Variants in MCTP2 observed in about 807,000 individuals in gnomAD.
MCTP2 encodes multiple C2 and transmembrane domain-containing protein 2.
In MCTP2, 132 loss-of-function variants were observed where a neutral mutation model predicts 111.6. The ratio of observed to expected loss-of-function variants is 1.18; its 90% CI spans 1.03 to 1.37. The LOEUF is 1.37. Among genes scored for constraint, MCTP2 ranks in the 40% most tolerant of loss-of-function variants. MCTP2 has a pLI of 0.00. For missense variants in MCTP2, 1,183 were observed against 1,067.9 expected (o/e 1.11, Z -1.50); for synonymous variants, 395 against 387.7 (o/e 1.02, Z -0.22).
rs2152549112 is a variant in MCTP2, at chr15:94,479,407, ACT to A, written c.*377_*378del. The A allele has an allele frequency of 4.0e-6, 1 of 247,366 alleles. No individual in the cohort carries two copies. Among genetic ancestry groups the A allele is most frequent in the African/African-American group, 2.2e-5 (1 of 46,220 alleles). The allele number at this position is 247,366 out of a possible 1,614,324, so 15.3% of individuals were successfully genotyped here. On this transcript the variant is annotated 3_prime_UTR_variant, in exon 23 of 23. Transcript: ENST00000357742. ...GAACTTGTTTTCACACCTCCAACAG[ACT>A]CTCATTAAGATTCAGTTATTTCCGC...
chr15:94,367,588 T>C lies in MCTP2; in HGVS notation c.1302-17T>C. On this transcript the variant is annotated splice_polypyrimidine_tract_variant and intron_variant, in intron 10 of 22. Coordinates refer to ENST00000357742, the MANE Select transcript of MCTP2 (RefSeq NM_001385001.1). ...ATTAATCACTTTTCTCTCTCTTGATTCCTGAAACTTTTCTAGGTGTAAAGT... is the reference window on the plus strand; with the variant it reads ...ATTAATCACTTTTCTCTCTCTTGATCCCTGAAACTTTTCTAGGTGTAAAGT... 6.3e-7 allele frequency: 1 copy of C among 1,599,218 alleles called. No individual in the cohort carries two copies. The highest frequency in any genetic ancestry group is 8.5e-7 in the Non-Finnish European group (1 of 1,173,416).
At chr15:94,271,776 AT>A (rs1567308633) in intron 1 of MCTP2, among the ~76,000 whole-genome samples, 1 of 152,158 alleles carries the variant, frequency 6.6e-6, no homozygotes, top group Non-Finnish European at 1.5e-5. Context: ...GCTTAAAAAT[AT>A]GCACCATTTG....
chr15:94,293,512 T>C (rs571340172), intron 1 of MCTP2, among the ~76,000 whole-genome samples: 4 of 152,136 alleles, frequency 2.6e-5, no homozygotes, highest in Non-Finnish European at 5.9e-5. Flanking sequence ...TAATACTGGG[T>C]TTTTCAGTAT....
At chr15:94,279,408 C>T (rs1478171290) in intron 1 of MCTP2, among the ~76,000 whole-genome samples, 1 of 152,028 alleles carries the variant, frequency 6.6e-6, no homozygotes, top group East Asian at 1.9e-4. Context: ...CTTGATTTGG[C>T]ACTCAACTTA....
chr15:94,435,712 AG>A (rs2083436242), intron 17 of MCTP2, among the ~76,000 whole-genome samples: 1 of 133,100 alleles, frequency 7.5e-6, no homozygotes, highest in Non-Finnish European at 1.6e-5. Context: ...GCTCACTGCA[AG>A]CTCCGCCTCC....
At chr15:94,471,536 G>C (rs1038774165) in intron 21 of MCTP2, among the ~76,000 whole-genome samples, 7 of 152,164 alleles carry the variant, frequency 4.6e-5, no homozygotes, top group African/African-American at 1.7e-4. Flanking sequence ...TACAATTACA[G>C]AAGTAGAATG....
chr15:94,393,531 G>A (rs1433204536), intron 14 of MCTP2, among the ~76,000 whole-genome samples: 5 of 151,874 alleles, frequency 3.3e-5, no homozygotes, highest in Admixed American at 2.6e-4. Context: ...AAAATAGTGG[G>A]GAAATCCTAT....
At position 94,436,127 on chromosome 15, in the gene MCTP2, C is replaced by T. The variant is rs1596703369; in HGVS notation, c.2086-4049C>T. Among the ~76,000 whole-genome samples the T allele has an allele frequency of 2.6e-5, 4 of 152,258 alleles. No individual in the cohort carries two copies. In the South Asian group the frequency reaches 8.3e-4, roughly 32 times the overall value. On this transcript the variant is annotated intron_variant, in intron 17 of 22. Coordinates refer to ENST00000357742, the MANE Select transcript of MCTP2 (RefSeq NM_001385001.1). Reference sequence around the variant, plus strand: ...ACCTTTGCTTACACTCTCCTTTCAGCGTACCTCTGCGCTCTGCAGTGGCTC... The same window carrying T: ...ACCTTTGCTTACACTCTCCTTTCAGTGTACCTCTGCGCTCTGCAGTGGCTC...
At chr15:94,314,987 C>A in intron 3 of MCTP2, 1 of 324,504 alleles carries the variant, frequency 3.1e-6, no homozygotes, top group African/African-American at 2.2e-5. Flanking sequence ...CAGGGAAGAG[C>A]ATGTGTCAGT....
intron 19 of MCTP2, among the ~76,000 whole-genome samples, chr15:94,449,549 T>C (rs979810257): frequency 3.9e-5 from 6 of 152,218 alleles, no homozygotes; most frequent in African/African-American, 1.4e-4. Context: ...CCAAAGCCTC[T>C]ATGAATACAA....
chr15:94,355,774 T>G (rs1382886860), intron 8 of MCTP2, among the ~76,000 whole-genome samples: 1 of 152,228 alleles, frequency 6.6e-6, no homozygotes, highest in East Asian at 1.9e-4. Flanking sequence ...GGCAATGCCT[T>G]GTTCTGGTAT....
chr15:94,279,062 C>T (rs2074352585), intron 1 of MCTP2, among the ~76,000 whole-genome samples: 1 of 152,052 alleles, frequency 6.6e-6, no homozygotes, highest in Admixed American at 6.6e-5. Context: ...ATACCTCTGG[C>T]TTTGTTCTTT....
chr15:94,455,178 A>G (rs1357187869), intron 19 of MCTP2, among the ~76,000 whole-genome samples: 1 of 152,226 alleles, frequency 6.6e-6, no homozygotes, highest in Non-Finnish European at 1.5e-5. Context: ...ATAAATATAC[A>G]TTCTGACCAT....
intron 1 of MCTP2, among the ~76,000 whole-genome samples, chr15:94,261,791 G>C (rs2073199397): frequency 2.0e-5 from 3 of 152,106 alleles, no homozygotes. Flanking sequence ...CCCCTGCTTG[G>C]CTGATGTTTA....
At position 94,479,289 on chromosome 15, in the gene MCTP2, A is replaced by C; in HGVS notation, c.*255A>C. On this transcript the variant is annotated 3_prime_UTR_variant, in exon 23 of 23. Coordinates refer to ENST00000357742, the MANE Select transcript of MCTP2 (RefSeq NM_001385001.1). ...CCAAGACTGTGAAAGACTAACATCC[A>C]TTCTGAAATAGGAGATAACAAGGCT... 2.0e-6 allele frequency: 1 copy of C among 504,994 alleles called. No individual in the cohort carries two copies. The highest frequency in any genetic ancestry group is 5.2e-4 in the Middle Eastern group (1 of 1,932). 31.3% of individuals were successfully genotyped at this position (504,994 alleles called of 1,614,324 possible). A position where few individuals can be genotyped will look rare whatever the true frequency, so the allele number is the denominator to read the frequency against.
chr15:94,282,901 G>C (rs1014290403), intron 1 of MCTP2, among the ~76,000 whole-genome samples: 1 of 152,136 alleles, frequency 6.6e-6, no homozygotes, highest in Non-Finnish European at 1.5e-5. Context: ...TCAAGGTTAA[G>C]CACCTGCTGT....
Position 94,399,959 on chromosome 15 carries a change from G to A in MCTP2, c.1929G>A (p.Lys643=), listed in dbSNP as rs752368871. 17 of 1,613,906 alleles carry A rather than the reference G, an allele frequency of 1.1e-5. No homozygotes were observed. The highest frequency in any genetic ancestry group is 1.4e-5 in the Non-Finnish European group (17 of 1,179,918). The change falls in exon 16 of 23, where the codon AAG becomes AAA. Residue 643 remains lysine, a synonymous_variant. Coordinates refer to ENST00000357742, the MANE Select transcript of MCTP2 (RefSeq NM_001385001.1). ...ASIRTFTPRE[K]RFVEDSRKLS... is the part of the protein sequence containing the mutation. The stretch of plus-strand genomic sequence containing the variant: ...TTAGGACTTTTACTCCCCGGGAAAA[G>A]CGCTTTGTTGAAGACAGCCGCAAGC...
chr15:94,417,111 C>T (rs2082411944), intron 17 of MCTP2, among the ~76,000 whole-genome samples: 1 of 152,042 alleles, frequency 6.6e-6, no homozygotes, highest in Admixed American at 6.6e-5. Context: ...GCCTGAGTGC[C>T]ACTCCTAATT....
Position 94,482,212 on chromosome 15 carries a change from C to G in MCTP2, c.*3178C>G, listed in dbSNP as rs989489333. The G allele has an allele frequency of 7.2e-5, 11 of 152,162 alleles. No homozygotes were observed. The highest frequency in any genetic ancestry group is 3.3e-4 in the Admixed American group (5 of 15,282). 9.4% of individuals were successfully genotyped at this position (152,162 alleles called of 1,614,324 possible). A position where few individuals can be genotyped will look rare whatever the true frequency, so the allele number is the denominator to read the frequency against. On this transcript the variant is annotated 3_prime_UTR_variant, in exon 23 of 23. Coordinates refer to ENST00000357742, the MANE Select transcript of MCTP2 (RefSeq NM_001385001.1). Reference sequence around the variant, plus strand: ...CTTTCAAGCAACAGCATGCCATGCTCAGATTTAAGTTTGAAAAATATTCTA... The same window carrying G: ...CTTTCAAGCAACAGCATGCCATGCTGAGATTTAAGTTTGAAAAATATTCTA...
Sources: allele counts gnomAD v4.1 joint callset (sites outside exome capture counted in the v4.1 genomes callset), GRCh38; gene constraint gnomAD v4.1.1; transcripts MANE v1.5; gene names NCBI Gene and HGNC (gene_info 2026-07-23, HGNC 2026-07-21).